NEGR1: variants seen among roughly 807,000 people sequenced by gnomAD.
NEGR1 encodes the protein IgLON family member 4.
In NEGR1, 10 loss-of-function variants were observed where a neutral mutation model predicts 40.9. The ratio of observed to expected loss-of-function variants is 0.24; its 90% CI spans 0.15 to 0.42. The LOEUF (loss-of-function observed/expected upper bound fraction) is 0.42, where lower values mean the gene tolerates loss of function less well. Among genes scored for constraint, NEGR1 ranks in the 10% least tolerant of loss-of-function variants. The pLI, the probability that NEGR1 is intolerant of heterozygous loss-of-function variation, is 1.00. For synonymous variants in NEGR1, 185 were observed against 166.8 expected (o/e 1.11, Z -0.84); for missense variants, 352 against 438.9 (o/e 0.80, Z 1.77).
chr1:71,857,803 C>T (rs1027653181), intron 2 of NEGR1, among the ~76,000 whole-genome samples: 8 of 151,906 alleles, frequency 5.3e-5, no homozygotes, highest in African/African-American at 1.7e-4. Context: ...ACAAAATATA[C>T]ATTTTCTTTT....
chr1:72,065,991 C>T (rs577144265), intron 1 of NEGR1, among the ~76,000 whole-genome samples: 22 of 152,168 alleles, frequency 1.4e-4, no homozygotes, highest in African/African-American at 5.3e-4. Context: ...CAATTAAAAA[C>T]ACTAATTTTA....
chr1:72,203,352 A>G (rs1653281805), intron 1 of NEGR1, among the ~76,000 whole-genome samples: 1 of 152,098 alleles, frequency 6.6e-6, no homozygotes, highest in African/African-American at 2.4e-5. Flanking sequence ...GAGCAGTTCA[A>G]ATCTCCACTG....
intron 1 of NEGR1, among the ~76,000 whole-genome samples, chr1:71,953,725 T>G (rs1352849300): frequency 6.6e-6 from 1 of 152,010 alleles, no homozygotes; most frequent in Non-Finnish European, 1.5e-5. Flanking sequence ...ACCACCACTC[T>G]GACCAGTCAG....
chr1:71,815,460 T>C (rs549890330), intron 2 of NEGR1, among the ~76,000 whole-genome samples: 67 of 152,228 alleles, frequency 4.4e-4, no homozygotes, highest in Admixed American at 7.9e-4. Flanking sequence ...CTAAATATCC[T>C]TGTTAATTTT....
intron 6 of NEGR1, among the ~76,000 whole-genome samples, chr1:71,418,075 CTTT>C (rs34107424): frequency 1.4e-5 from 2 of 140,490 alleles, no homozygotes; most frequent in Admixed American, 7.1e-5. Context: ...CCAGGGTACA[CTTT>C]TTTTTTTTTT....
At chr1:71,711,270 G>A (rs1654074514) in intron 3 of NEGR1, among the ~76,000 whole-genome samples, 1 of 150,032 alleles carries the variant, frequency 6.7e-6, no homozygotes, top group South Asian at 2.1e-4. Context: ...GCGTGAACCC[G>A]GGGGGCGGAG....
chr1:72,064,064 T>TA, intron 1 of NEGR1, among the ~76,000 whole-genome samples: 1 of 151,468 alleles, frequency 6.6e-6, no homozygotes, highest in East Asian at 2.0e-4. Flanking sequence ...TAAAAGTTAT[T>TA]AAAAAAAGGA....
At chr1:71,881,645 A>G (rs545101046) in intron 2 of NEGR1, among the ~76,000 whole-genome samples, 5 of 152,222 alleles carry the variant, frequency 3.3e-5, no homozygotes, top group African/African-American at 9.6e-5. Flanking sequence ...TTTGAAGAAA[A>G]AAGTCTTAAC....
rs964823385 is a variant in NEGR1, at chr1:71,403,185, C to T, written c.*4261G>A. 3.3e-5 allele frequency: 5 copies of T among 152,026 alleles called. No individual in the cohort carries two copies. Among genetic ancestry groups the T allele is most frequent in the Non-Finnish European group, 2.9e-5 (2 of 67,948 alleles). The allele number at this position is 152,026 out of a possible 1,614,324, so 9.4% of individuals were successfully genotyped here. Reference sequence around the variant, plus strand: ...AAAAAATTCATTTGGCTTGAGATCTCATTTGTATATTATGGTTTGGTATTT... The same window carrying T: ...AAAAAATTCATTTGGCTTGAGATCTTATTTGTATATTATGGTTTGGTATTT... On this transcript the variant is annotated 3_prime_UTR_variant, in exon 7 of 7. Coordinates refer to ENST00000357731, the MANE Select transcript of NEGR1 (RefSeq NM_173808.3).
At chr1:71,757,660 C>G (rs1655789118) in intron 3 of NEGR1, among the ~76,000 whole-genome samples, 1 of 151,978 alleles carries the variant, frequency 6.6e-6, no homozygotes, top group South Asian at 2.1e-4. Flanking sequence ...CTTGTCCTCC[C>G]CTCTCATCAC....
chr1:71,771,934 G>A (rs1656345417), intron 3 of NEGR1, among the ~76,000 whole-genome samples: 1 of 151,994 alleles, frequency 6.6e-6, no homozygotes, highest in South Asian at 2.1e-4. Context: ...TTGACAAAGA[G>A]CAGATATTTG....
chr1:71,880,650 C>A (rs1164384869), intron 2 of NEGR1, among the ~76,000 whole-genome samples: 3 of 152,020 alleles, frequency 2.0e-5, no homozygotes, highest in African/African-American at 7.2e-5. Flanking sequence ...CTTTTACCAT[C>A]TGGCAAAATA....
At chr1:72,119,316 G>A (rs2100286663) in intron 1 of NEGR1, among the ~76,000 whole-genome samples, 1 of 152,022 alleles carries the variant, frequency 6.6e-6, no homozygotes, top group East Asian at 1.9e-4. Context: ...GCAAACTGAG[G>A]AATTAGTGAT....
chr1:71,934,208 G>A (rs538342528), intron 2 of NEGR1, among the ~76,000 whole-genome samples: 1 of 151,996 alleles, frequency 6.6e-6, no homozygotes, highest in South Asian at 2.1e-4. Flanking sequence ...AAAGCAGAAA[G>A]AAATAATGTA....
At chr1:71,558,093 T>C (rs1232816658) in intron 6 of NEGR1, among the ~76,000 whole-genome samples, 4 of 151,482 alleles carry the variant, frequency 2.6e-5, no homozygotes, top group African/African-American at 9.7e-5. Flanking sequence ...CATTAATGTG[T>C]CTTACTTCTG....
At chr1:71,540,599 C>T (rs1647657817) in intron 6 of NEGR1, among the ~76,000 whole-genome samples, 1 of 151,686 alleles carries the variant, frequency 6.6e-6, no homozygotes, top group Non-Finnish European at 1.5e-5. Flanking sequence ...GACACCCATT[C>T]CACAGATTAA....
chr1:71,431,091 T>C (rs1430016340), intron 6 of NEGR1, among the ~76,000 whole-genome samples: 6 of 144,338 alleles, frequency 4.2e-5, no homozygotes, highest in Non-Finnish European at 9.0e-5. Flanking sequence ...TGACCTTTTT[T>C]TTATGATCAT....
intron 1 of NEGR1, among the ~76,000 whole-genome samples, chr1:72,172,781 T>C (rs1021769700): frequency 3.3e-5 from 5 of 152,098 alleles, no homozygotes; most frequent in Non-Finnish European, 1.5e-5. Context: ...TGTTTCCTTG[T>C]GTTTTTCAGC....
chr1:72,105,311 A>C (rs1177715871), intron 1 of NEGR1, among the ~76,000 whole-genome samples: 2 of 152,068 alleles, frequency 1.3e-5, no homozygotes, highest in Non-Finnish European at 2.9e-5. Flanking sequence ...TTCTTCCTTC[A>C]CACTTCAGTA....
Sources: allele counts gnomAD v4.1 joint callset (sites outside exome capture counted in the v4.1 genomes callset), GRCh38; gene constraint gnomAD v4.1.1; transcripts MANE v1.5; gene names NCBI Gene and HGNC (gene_info 2026-07-23, HGNC 2026-07-21).